Variants in NTMT2 observed in about 807,000 individuals in gnomAD.
NTMT2 encodes X-Pro-Lys N-terminal protein methyltransferase 1B.
In NTMT2, 21 loss-of-function variants were observed where a neutral mutation model predicts 23.4. The ratio of observed to expected loss-of-function variants is 0.90; its 90% CI spans 0.64 to 1.29. NTMT2 has a LOEUF of 1.29. Among genes scored for constraint, NTMT2 ranks in the 50% most tolerant of loss-of-function variants. NTMT2 has a pLI of 0.00. For synonymous variants in NTMT2, 131 were observed against 127.7 expected (o/e 1.03, Z -0.17); for missense variants, 336 against 352.0 (o/e 0.95, Z 0.36).
Position 170,146,022 on chromosome 1 carries a change from G to C in NTMT2, c.-86G>C. On this transcript the variant is annotated 5_prime_UTR_variant, in exon 1 of 4. Coordinates refer to ENST00000439373, the MANE Select transcript of NTMT2 (RefSeq NM_001136107.2). ...GACTGGTTTAAAATGACAGTCTCAA[G>C]TTCATTTAGAAAGAGAAGGCTAATT... 9 of 1,287,966 alleles carry C rather than the reference G, an allele frequency of 7.0e-6. No homozygotes were observed. The highest frequency in any genetic ancestry group is 9.6e-6 in the Non-Finnish European group (9 of 941,176). 79.8% of individuals were successfully genotyped at this position (1,287,966 alleles called of 1,614,324 possible).
chr1:170,154,107 C>G (rs756263741), intron 1 of NTMT2, among the ~76,000 whole-genome samples: 59 of 152,244 alleles, frequency 3.9e-4, no homozygotes, highest in Middle Eastern at 6.8e-3. Context: ...CTCTGAAGGG[C>G]AGAAGTTGTA....
rs564346452 is a variant in NTMT2 at position 170,162,834 on chromosome 1, C to T, written c.330+2141C>T. 2.4e-4 allele frequency among the ~76,000 whole-genome samples: 37 copies of T among 151,416 alleles called. No individual in the cohort carries two copies. The South Asian group carries it at 7.8e-3, about 32-fold the overall frequency. The stretch of plus-strand genomic sequence containing the variant: ...CATGACATATTTTTTCCATTTGTCT[C>T]ATGAAACTGAAAAAATCCCTGCTTT... On this transcript the variant is annotated intron_variant, in intron 2 of 3. Coordinates refer to ENST00000439373, the MANE Select transcript of NTMT2 (RefSeq NM_001136107.2).
intron 1 of NTMT2, among the ~76,000 whole-genome samples, chr1:170,146,714 C>G (rs1341922481): frequency 6.6e-6 from 1 of 152,148 alleles, no homozygotes; most frequent in East Asian, 1.9e-4. Flanking sequence ...TGTGTCTGTG[C>G]TTGTGTACAC....
rs11385158 is a variant in NTMT2 at position 170,168,131 on chromosome 1, GTTT to G, written c.*382_*384del. ...CACAACATCCTAGACAAAAATGGTG[GTTT>G]TTTTTTTGTTTTTCCATCACAAGAT... On this transcript the variant is annotated 3_prime_UTR_variant, in exon 4 of 4. Coordinates refer to ENST00000439373, the MANE Select transcript of NTMT2 (RefSeq NM_001136107.2). 6.8e-6 allele frequency among the ~76,000 whole-genome samples: 1 copy of G among 146,020 alleles called. No individual in the cohort carries two copies. Among genetic ancestry groups the G allele is most frequent in the Non-Finnish European group, 1.5e-5 (1 of 66,474 alleles).
intron 1 of NTMT2, among the ~76,000 whole-genome samples, chr1:170,151,117 A>G (rs1370327665): frequency 6.6e-6 from 1 of 152,144 alleles, no homozygotes; most frequent in African/African-American, 2.4e-5. Context: ...AAAGACCAGA[A>G]GCTTTGCATT....
At chr1:170,159,280 A>G (rs1177330017) in intron 1 of NTMT2, among the ~76,000 whole-genome samples, 1 of 152,076 alleles carries the variant, frequency 6.6e-6, no homozygotes, top group Non-Finnish European at 1.5e-5. Context: ...TTCCTAGGCA[A>G]TTTGTCTATT....
chr1:170,149,838 C>G (rs1466913018), intron 1 of NTMT2, among the ~76,000 whole-genome samples: 3 of 152,186 alleles, frequency 2.0e-5, no homozygotes, highest in Non-Finnish European at 2.9e-5. Context: ...CACCATGTAG[C>G]TTTCTCTAGA....
intron 2 of NTMT2, among the ~76,000 whole-genome samples, chr1:170,163,136 G>A (rs1186062415): frequency 1.3e-5 from 2 of 152,088 alleles, no homozygotes; most frequent in Non-Finnish European, 2.9e-5. Context: ...TATTTATGTT[G>A]GAAAAGAGGC....
intron 1 of NTMT2, among the ~76,000 whole-genome samples, chr1:170,159,386 G>T (rs1442114255): frequency 7.1e-6 from 1 of 141,822 alleles, no homozygotes; most frequent in Non-Finnish European, 1.5e-5. Flanking sequence ...CTCTTACCTG[G>T]TTGTTCTCTG....
In NTMT2 at chr1:170,146,161, C is replaced by T. The variant is rs749942959; in HGVS notation, c.54C>T (p.Asp18=). The T allele has an allele frequency of 7.7e-6, 12 of 1,551,452 alleles. No homozygotes were observed. The African/African-American group carries it at 8.2e-5, about 11-fold the overall frequency. Residue 18 remains aspartate, a synonymous_variant, in exon 1 of 4, where the codon GAC becomes GAT. Transcript: ENST00000439373. ...TTAGATCCCGCTGGCAGAAGACCGA[C>T]GATGAACTCTGTAGACATAGCATGT... ...FAFRSRWQKT[D]DELCRHSMSF... is the part of the protein sequence containing the mutation.
chr1:170,156,459 G>A (rs1367760955), intron 1 of NTMT2, among the ~76,000 whole-genome samples: 2 of 152,008 alleles, frequency 1.3e-5, no homozygotes, highest in Non-Finnish European at 2.9e-5. Context: ...TTCACCACAA[G>A]TAAACAGTGG....
At position 170,167,522 on chromosome 1, in the gene NTMT2, C is replaced by G. The variant is rs758956558; in HGVS notation, c.617C>G (p.Ser206Cys). Residue 206 changes from serine to cysteine, a missense_variant, in exon 4 of 4, where the codon TCC becomes TGC. Coordinates refer to ENST00000439373, the MANE Select transcript of NTMT2 (RefSeq NM_001136107.2). ...LTDKDLLAFLSRCRDGLKENG... is the reference protein window; with the variant it reads ...LTDKDLLAFLCRCRDGLKENG... ...GATAAGGACCTTCTTGCATTTCTTT[C>G]CCGGTGCCGAGATGGCCTGAAAGAA... is the stretch of plus-strand genomic sequence containing the variant. The G allele has an allele frequency of 6.4e-7, 1 of 1,551,522 alleles. No individual in the cohort carries two copies. The highest frequency in any genetic ancestry group is 1.2e-5 in the South Asian group (1 of 84,022).
rs1257022936 is a variant in NTMT2, at chr1:170,167,515, T to C, written c.610T>C (p.Phe204Leu). Reference protein sequence around the residue: ...GHLTDKDLLAFLSRCRDGLKE... With the variant: ...GHLTDKDLLALLSRCRDGLKE... Reference sequence around the variant, plus strand: ...CCTGACTGATAAGGACCTTCTTGCATTTCTTTCCCGGTGCCGAGATGGCCT... The same window carrying C: ...CCTGACTGATAAGGACCTTCTTGCACTTCTTTCCCGGTGCCGAGATGGCCT... The change falls in exon 4 of 4, where the codon TTT (phenylalanine) becomes CTT (leucine). Residue 204 changes from phenylalanine (F) to leucine (L), a missense_variant. Physicochemically the swap from Phe to Leu is conservative, Grantham distance 22 (BLOSUM62 0). Coordinates refer to ENST00000439373, the MANE Select transcript of NTMT2 (RefSeq NM_001136107.2). 2 of 1,551,532 alleles carry C rather than the reference T, an allele frequency of 1.3e-6. No homozygotes were observed. The highest frequency in any genetic ancestry group is 8.7e-7 in the Non-Finnish European group (1 of 1,146,858).
intron 1 of NTMT2, among the ~76,000 whole-genome samples, chr1:170,154,366 A>G (rs1431823464): frequency 1.3e-5 from 2 of 151,856 alleles, no homozygotes; most frequent in Non-Finnish European, 2.9e-5. Context: ...AAGGGGGTCA[A>G]CTGCCTCCAG....
At chr1:170,147,399 A>G (rs1672987894) in intron 1 of NTMT2, among the ~76,000 whole-genome samples, 1 of 152,050 alleles carries the variant, frequency 6.6e-6, no homozygotes, top group Admixed American at 6.6e-5. Flanking sequence ...CAAAGGAGGG[A>G]AGTAAAATTC....
At chr1:170,147,970 T>C (rs892725648) in intron 1 of NTMT2, among the ~76,000 whole-genome samples, 23 of 152,186 alleles carry the variant, frequency 1.5e-4, no homozygotes, top group African/African-American at 5.3e-4. Context: ...TACCAATGAG[T>C]TTTGACCTTT....
At chr1:170,165,325 C>T (rs1673358385) in intron 2 of NTMT2, among the ~76,000 whole-genome samples, 1 of 152,158 alleles carries the variant, frequency 6.6e-6, no homozygotes, top group Non-Finnish European at 1.5e-5. Flanking sequence ...TCCCCTCACT[C>T]CCAGTTAATT....
intron 2 of NTMT2, among the ~76,000 whole-genome samples, chr1:170,164,219 A>G (rs1673329275): frequency 6.6e-6 from 1 of 152,154 alleles, no homozygotes; most frequent in Non-Finnish European, 1.5e-5. Context: ...TTTTAATAAA[A>G]TCACAGTTTC....
intron 2 of NTMT2, chr1:170,161,800 TC>T (rs1411570544): frequency 6.6e-6 from 1 of 152,142 alleles, no homozygotes; most frequent in Non-Finnish European, 1.5e-5. Context: ...AAAGACTTAA[TC>T]CCCAAGAAAG....
Sources: gnomAD v4.1 joint callset for allele counts (sites outside exome capture counted in the v4.1 genomes callset) on GRCh38, gnomAD v4.1.1 for gene constraint, MANE v1.5 for transcripts, NCBI Gene and HGNC (gene_info 2026-07-23, HGNC 2026-07-21) for gene names.